The following KMT2C variants were observed in gnomAD, a reference collection of about 807,000 sequenced individuals.
KMT2C encodes the protein lysine methyltransferase 2C.
In KMT2C, 88 loss-of-function variants were observed where a neutral mutation model predicts 507.9. That is an observed-to-expected ratio of 0.17 (90% CI 0.15 to 0.21). The LOEUF (loss-of-function observed/expected upper bound fraction) is 0.21. KMT2C is among the 10% of genes least tolerant of loss of function. The pLI is 1.00. For synonymous variants in KMT2C, 2,049 were observed against 2,080.8 expected, an observed-to-expected ratio of 0.98 and a Z score of 0.42; for missense variants, 4,954 against 5,957.8, an observed-to-expected ratio of 0.83 and a Z score of 5.55.
At chr7:152,331,642 ATT>A (rs34778581) in intron 2 of KMT2C, among the ~76,000 whole-genome samples, 2,640 of 99,222 alleles carry the variant, frequency 0.027, 50 homozygotes, top group African/African-American at 0.095. Context: ...CAACAAAAAG[ATT>A]TTTTTTTTTT....
At chr7:152,290,092 A>C (rs916423191) in intron 6 of KMT2C, among the ~76,000 whole-genome samples, 1 of 151,500 alleles carries the variant, frequency 6.6e-6, no homozygotes, top group Non-Finnish European at 1.5e-5. Flanking sequence ...AACCGTATCA[A>C]TAGTTGGAAT....
At chr7:152,305,291 G>A (rs1324962455) in intron 6 of KMT2C, among the ~76,000 whole-genome samples, 1 of 152,182 alleles carries the variant, frequency 6.6e-6, no homozygotes, top group Non-Finnish European at 1.5e-5. Flanking sequence ...ATTATGGGAA[G>A]GCATTTGAAA....
chr7:152,177,643 G>C lies in KMT2C; in HGVS notation c.7810C>G (p.His2604Asp). 1.2e-6 allele frequency: 2 copies of C among 1,614,170 alleles called. No individual in the cohort carries two copies. Among genetic ancestry groups the C allele is most frequent in the Non-Finnish European group, 8.5e-7 (1 of 1,180,026 alleles). ...GGAGGTCGTCGCATGGGGTCTGTGT[G>C]TCTAGGGCCCGGAAAGTCTGGCCGG... Reference protein sequence around the residue: ...IPRPDFPGPRHTDPMRRPPQG... With the variant: ...IPRPDFPGPRDTDPMRRPPQG... Residue 2604 changes from histidine to aspartate, a missense_variant, in exon 38 of 59, where the codon CAC (histidine) becomes GAC (aspartate). By Grantham distance (81) the His-to-Asp change is moderately conservative. Transcript: ENST00000262189.
intron 6 of KMT2C, among the ~76,000 whole-genome samples, chr7:152,285,525 ATAGGGAC>A (rs1257236929): frequency 6.6e-6 from 1 of 152,412 alleles, no homozygotes; most frequent in Admixed American, 6.5e-5. Context: ...GGGTAACAGC[ATAGGGAC>A]TAATATCAGA....
chr7:152,169,920 G>A (rs1304518750), intron 40 of KMT2C, among the ~76,000 whole-genome samples: 2 of 152,106 alleles, frequency 1.3e-5, no homozygotes, highest in African/African-American at 4.8e-5. Flanking sequence ...TCTTCCAGGT[G>A]ACTGAACAAG....
At chr7:152,309,235 T>C (rs2096647836) in intron 6 of KMT2C, among the ~76,000 whole-genome samples, 1 of 152,074 alleles carries the variant, frequency 6.6e-6, no homozygotes, top group African/African-American at 2.4e-5. Flanking sequence ...TAATTTCTAA[T>C]TTAAATGTAA....
chr7:152,361,434 G>C (rs961522769), intron 1 of KMT2C, among the ~76,000 whole-genome samples: 2 of 151,876 alleles, frequency 1.3e-5, no homozygotes, highest in Non-Finnish European at 2.9e-5. Context: ...GTGGTAGTGG[G>C]CGCCTGTAGT....
intron 3 of KMT2C, among the ~76,000 whole-genome samples, chr7:152,327,399 A>G (rs1211795938): frequency 6.6e-6 from 1 of 152,200 alleles, no homozygotes; most frequent in East Asian, 1.9e-4. Context: ...CAGAAGAACC[A>G]AGCAAGAAGG....
At chr7:152,281,622 C>T in intron 6 of KMT2C, among the ~76,000 whole-genome samples, 1 of 152,154 alleles carries the variant, frequency 6.6e-6, no homozygotes, top group African/African-American at 2.4e-5. Flanking sequence ...ATCCCAGCTA[C>T]TTGGAAGGCT....
At chr7:152,206,647 G>A (rs1410846242) in intron 24 of KMT2C, among the ~76,000 whole-genome samples, 1 of 152,100 alleles carries the variant, frequency 6.6e-6, no homozygotes, top group Non-Finnish European at 1.5e-5. Context: ...CTCAACACGT[G>A]TGATAAGCGG....
intron 4 of KMT2C, 148 bp downstream of exon 4, chr7:152,314,990 A>T: frequency 1.6e-6 from 1 of 640,644 alleles, no homozygotes; most frequent in Non-Finnish European, 2.7e-6. Flanking sequence ...AATTGGGTTA[A>T]TGGTGAGTCA....
intron 6 of KMT2C, among the ~76,000 whole-genome samples, chr7:152,292,551 C>T (rs891079841): frequency 2.6e-5 from 4 of 152,160 alleles, no homozygotes; most frequent in Admixed American, 6.5e-5. Context: ...TTTCCTGTGT[C>T]ATAAAATATT....
intron 1 of KMT2C, among the ~76,000 whole-genome samples, chr7:152,372,894 G>A (rs2097302746): frequency 6.6e-6 from 1 of 152,162 alleles, no homozygotes; most frequent in African/African-American, 2.4e-5. Context: ...CTAGCCAACA[G>A]CAGCTGAATA....
intron 2 of KMT2C, among the ~76,000 whole-genome samples, chr7:152,351,260 A>G (rs1223224720): frequency 6.6e-6 from 1 of 152,224 alleles, no homozygotes; most frequent in Non-Finnish European, 1.5e-5. Context: ...ATCAAGAGTT[A>G]TGTACTGTGC....
chr7:152,185,478 T>G, intron 34 of KMT2C, 80 bp downstream of exon 34: 2 of 1,019,210 alleles, frequency 2.0e-6, no homozygotes, highest in Non-Finnish European at 3.0e-6. Context: ...AATGGAAATT[T>G]GTTTTTTATT....
intron 31 of KMT2C, among the ~76,000 whole-genome samples, chr7:152,191,002 AAAGG>A (rs2093774842): frequency 6.6e-6 from 1 of 152,210 alleles, no homozygotes; most frequent in South Asian, 2.1e-4. Flanking sequence ...CTAACCTTTA[AAAGG>A]AAGAAAGATA....
At chr7:152,398,679 C>T (rs979768634) in intron 1 of KMT2C, among the ~76,000 whole-genome samples, 6 of 151,942 alleles carry the variant, frequency 3.9e-5, no homozygotes, top group Admixed American at 6.6e-5. Context: ...AGATTATAAG[C>T]GTGAGCCCCC....
rs1471940824 is a variant in KMT2C at position 152,248,697 on chromosome 7, T to C, written c.1814-77A>G. Reference sequence around the variant, plus strand: ...TTCTAACTATAGATATATAAAACATTTGGCTACACTAGAACTTAAATCAGA... The same window carrying C: ...TTCTAACTATAGATATATAAAACATCTGGCTACACTAGAACTTAAATCAGA... On this transcript the variant is annotated intron_variant, in intron 13 of 58. Transcript: ENST00000262189. The C allele has an allele frequency of 9.8e-6, 8 of 819,102 alleles. No homozygotes were observed. The Admixed American group carries it at 2.3e-4, about 23-fold the overall frequency. The allele number at this position is 819,102 out of a possible 1,614,324, so 50.7% of individuals were successfully genotyped here. A position where few individuals can be genotyped will look rare whatever the true frequency, so the allele number is the denominator to read the frequency against.
intron 1 of KMT2C, among the ~76,000 whole-genome samples, chr7:152,366,551 C>T (rs2097245962): frequency 1.3e-5 from 2 of 152,124 alleles, no homozygotes; most frequent in African/African-American, 4.8e-5. Context: ...TAGCTAAAAT[C>T]AGAGACGGAA....
Sources: allele counts gnomAD v4.1 joint callset (sites outside exome capture counted in the v4.1 genomes callset), GRCh38; gene constraint gnomAD v4.1.1; transcripts MANE v1.5; gene names NCBI Gene and HGNC (gene_info 2026-07-23, HGNC 2026-07-21).